Variants in NSUN2 observed in about 807,000 individuals in gnomAD.
The protein encoded by NSUN2 is NOP2/Sun RNA methyltransferase 2, also known as RNA cytosine C(5)-methyltransferase NSUN2.
A neutral mutation model predicts 92.7 loss-of-function variants in NSUN2; 63 were observed. The ratio of observed to expected loss-of-function variants is 0.68; its 90% CI spans 0.56 to 0.84. NSUN2 has a LOEUF of 0.84. NSUN2 is among the 40% of genes least tolerant of loss of function. NSUN2 has a pLI of 0.00. For synonymous variants in NSUN2, 356 were observed against 348.3 expected (o/e 1.02, Z -0.25); for missense variants, 989 against 964.9 (o/e 1.02, Z -0.33).
At chr5:6,621,109 G>T (rs1206105214) in intron 6 of NSUN2, 1 of 152,202 alleles carries the variant, frequency 6.6e-6, no homozygotes, top group African/African-American at 2.4e-5. Context: ...AGGACGAGAT[G>T]AAAGCTGACT....
chr5:6,621,827 T>A (rs903949751), intron 6 of NSUN2, 189 bp downstream of exon 6: 3 of 552,800 alleles, frequency 5.4e-6, no homozygotes, highest in Non-Finnish European at 6.5e-6. Flanking sequence ...ATGGTATGAG[T>A]GTGTTTGTTT....
chr5:6,628,603 A>G (rs894263656), intron 3 of NSUN2, among the ~76,000 whole-genome samples: 2 of 152,370 alleles, frequency 1.3e-5, no homozygotes, highest in South Asian at 2.1e-4. Context: ...AGAATATTAC[A>G]TGATCTATTC....
At chr5:6,616,687 C>G (rs1374760005) in intron 9 of NSUN2, 40 bp downstream of exon 9, 1 of 1,178,646 alleles carries the variant, frequency 8.5e-7, no homozygotes, top group Non-Finnish European at 1.1e-6. Flanking sequence ...TATGAAAAGC[C>G]CCCTATGCTG....
intron 3 of NSUN2, among the ~76,000 whole-genome samples, chr5:6,631,380 T>C (rs1199505539): frequency 6.6e-6 from 1 of 152,138 alleles, no homozygotes; most frequent in Non-Finnish European, 1.5e-5. Context: ...AGTAGCACGC[T>C]TGGGTGCTGA....
chr5:6,626,387 T>C (rs1219883292), intron 3 of NSUN2, among the ~76,000 whole-genome samples: 2 of 152,126 alleles, frequency 1.3e-5, no homozygotes, highest in Non-Finnish European at 2.9e-5. Flanking sequence ...TGCCTTTTTT[T>C]TTTTGAGACA....
At position 6,606,910 on chromosome 5, in the gene NSUN2, G is replaced by C. The variant is rs1333423261; in HGVS notation, c.1511C>G (p.Pro504Arg). ...NGSKKDGVCG[P>R]PPSKKMKLFG... is the part of the protein sequence containing the mutation. ...TAACTTCATTTTCTTTGATGGAGGA[G>C]GACTAAAAAGGGAATCAGGATGAGA... The change falls in exon 14 of 19, where the codon CCT becomes CGT. Residue 504 changes from proline (P) to arginine (R), a missense_variant and splice_region_variant. Pro to Arg is a moderately radical substitution (Grantham distance 103, BLOSUM62 -2). Transcript: ENST00000264670. 6.5e-7 allele frequency: 1 copy of C among 1,535,194 alleles called. No individual in the cohort carries two copies. Among genetic ancestry groups the C allele is most frequent in the Non-Finnish European group, 9.0e-7 (1 of 1,111,264 alleles).
At chr5:6,610,281 C>T (rs1056389080) in intron 11 of NSUN2, among the ~76,000 whole-genome samples, 1 of 151,696 alleles carries the variant, frequency 6.6e-6, no homozygotes, top group African/African-American at 2.4e-5. Context: ...CTTGCCATGT[C>T]GTCCAGGCTG....
intron 3 of NSUN2, among the ~76,000 whole-genome samples, chr5:6,630,863 G>A (rs970455373): frequency 6.6e-6 from 1 of 152,194 alleles, no homozygotes; most frequent in Non-Finnish European, 1.5e-5. Context: ...GGGAGGCCGA[G>A]GTGGGCGGAT....
At chr5:6,632,042 AAATTT>A in intron 2 of NSUN2, 65 bp from the exon 3 acceptor site, 1 of 1,290,478 alleles carries the variant, frequency 7.7e-7, no homozygotes, top group Admixed American at 2.0e-5. Flanking sequence ...GTATCTTCTT[AAATTT>A]AAGACTGCAA....
At chr5:6,616,889 A>C in intron 8 of NSUN2, 32 bp from the exon 9 acceptor site, 1 of 1,601,330 alleles carries the variant, frequency 6.2e-7, no homozygotes, top group Non-Finnish European at 8.5e-7. Flanking sequence ...CTGCAAGGCC[A>C]AATGTATCCA....
At chr5:6,628,526 T>A (rs1205448930) in intron 3 of NSUN2, among the ~76,000 whole-genome samples, 1 of 152,234 alleles carries the variant, frequency 6.6e-6, no homozygotes, top group Non-Finnish European at 1.5e-5. Flanking sequence ...TAACTTTCCT[T>A]CTAGAAAATG....
intron 10 of NSUN2, among the ~76,000 whole-genome samples, chr5:6,611,315 A>C (rs1736978688): frequency 6.6e-6 from 1 of 152,158 alleles, no homozygotes; most frequent in South Asian, 2.1e-4. Flanking sequence ...TATTCTAAAA[A>C]CCAGGACAAG....
At chr5:6,607,439 T>C (rs1316043202) in intron 12 of NSUN2, 55 bp from the exon 13 acceptor site, 7 of 1,467,650 alleles carry the variant, frequency 4.8e-6, no homozygotes, top group Non-Finnish European at 1.9e-6. Flanking sequence ...TTTGTGCTGC[T>C]ACGAAAAGTT....
In NSUN2 at chr5:6,599,363, G is replaced by T. The variant is rs374769713; in HGVS notation, c.*563C>A. On this transcript the variant is annotated 3_prime_UTR_variant, in exon 19 of 19. Coordinates refer to ENST00000264670, the MANE Select transcript of NSUN2 (RefSeq NM_017755.6). ...CTCAATAATTAGTATGACAATTCACGATACAGCTCTTACTCTGGGAGAGTT... is the reference window on the plus strand; with the variant it reads ...CTCAATAATTAGTATGACAATTCACTATACAGCTCTTACTCTGGGAGAGTT... The T allele has an allele frequency of 6.6e-6, 1 of 152,432 alleles. No individual in the cohort carries two copies. Among genetic ancestry groups the T allele is most frequent in the Non-Finnish European group, 1.5e-5 (1 of 68,014 alleles). The allele number at this position is 152,432 out of a possible 1,614,324, so 9.4% of individuals were successfully genotyped here.
intron 15 of NSUN2, 70 bp downstream of exon 15, chr5:6,605,203 A>T: frequency 6.3e-7 from 1 of 1,586,232 alleles, no homozygotes; most frequent in Non-Finnish European, 8.6e-7. Context: ...CTCCAAATGA[A>T]ATCTAAGCCG....
rs371399566 is a variant in NSUN2, at chr5:6,605,720, T to C, written c.1602-312A>G. Among the ~76,000 whole-genome samples, 83 of 151,856 alleles carry C rather than the reference T, an allele frequency of 5.5e-4. 1 individual carries two copies. In the East Asian group the frequency reaches 0.01, roughly 18 times the overall value. The stretch of plus-strand genomic sequence containing the variant: ...TGAGACTTTTTTTTTTTTTTTGATA[T>C]GGAGTCTTGCTCTGTCTTCCAAGCT... On this transcript the variant is annotated intron_variant, in intron 14 of 18. Transcript: ENST00000264670.
chr5:6,614,575 A>C (rs1737137574), intron 9 of NSUN2, among the ~76,000 whole-genome samples: 1 of 152,096 alleles, frequency 6.6e-6, no homozygotes, highest in South Asian at 2.1e-4. Flanking sequence ...GACCCATGGG[A>C]ATGAGAACTA....
At chr5:6,610,788 C>T (rs548149316) in intron 11 of NSUN2, among the ~76,000 whole-genome samples, 167 bp downstream of exon 11, 83 of 152,240 alleles carry the variant, frequency 5.5e-4, no homozygotes, top group Middle Eastern at 6.8e-3. Context: ...GGCACAAGAG[C>T]CATACTGGCT....
intron 14 of NSUN2, among the ~76,000 whole-genome samples, chr5:6,606,521 G>A (rs933699311): frequency 6.6e-6 from 1 of 151,970 alleles, no homozygotes; most frequent in Non-Finnish European, 1.5e-5. Flanking sequence ...TCCTGACCTC[G>A]TGCTCCGCCC....
Sources: gnomAD v4.1 joint callset for allele counts (sites outside exome capture counted in the v4.1 genomes callset) on GRCh38, gnomAD v4.1.1 for gene constraint, MANE v1.5 for transcripts, NCBI Gene and HGNC (gene_info 2026-07-23, HGNC 2026-07-21) for gene names.